The following IMMP2L variants were observed in gnomAD, a reference collection of about 807,000 sequenced individuals.
IMMP2L encodes the protein mitochondrial inner membrane protease subunit 2.
In IMMP2L, 18 loss-of-function variants were observed where a neutral mutation model predicts 19.3. That is an observed-to-expected ratio of 0.93 (90% confidence interval 0.64 to 1.38). The LOEUF (loss-of-function observed/expected upper bound fraction) is 1.38. IMMP2L is among the 40% of genes most tolerant of loss of function. The probability of loss-of-function intolerance (pLI) is 0.00; values close to 1 mark genes in which losing one functional copy is unlikely to be tolerated. For synonymous variants in IMMP2L, 76 were observed against 73.0 expected (o/e 1.04, Z -0.21); for missense variants, 233 against 218.2 (o/e 1.07, Z -0.43).
intron 3 of IMMP2L, among the ~76,000 whole-genome samples, chr7:111,279,206 A>T (rs1171060465): frequency 1.3e-5 from 2 of 152,198 alleles, no homozygotes; most frequent in African/African-American, 4.8e-5. Context: ...AAAATGTATA[A>T]AACAGAAGAA....
At chr7:110,748,268 A>C (rs538254117) in intron 5 of IMMP2L, among the ~76,000 whole-genome samples, 223 of 152,332 alleles carry the variant, frequency 1.5e-3, no homozygotes, top group African/African-American at 5.2e-3. Context: ...AAATGGAAGA[A>C]CATTCCATGC....
In IMMP2L at chr7:111,343,519, G is replaced by A. The variant is rs37646; in HGVS notation, c.239+143719C>T. Among the ~76,000 whole-genome samples the A allele has an allele frequency of 2.6e-5, 4 of 151,924 alleles. 1 individual carries two copies. Among genetic ancestry groups the A allele is most frequent in the Middle Eastern group, 6.8e-3 (2 of 294 alleles). On this transcript the variant is annotated intron_variant, in intron 3 of 5. Transcript: ENST00000405709. ...CACCCAGAATCCTTTCCTGGCTCCC[G>A]GCGCACCCAGTGCTTCACTCCTTCA...
chr7:111,198,462 A>C (rs1001461482), intron 3 of IMMP2L, among the ~76,000 whole-genome samples: 2 of 152,034 alleles, frequency 1.3e-5, no homozygotes, highest in Admixed American at 1.3e-4. Context: ...TACATAATGA[A>C]CTCAAAGTTC....
chr7:111,127,648 G>A (rs1801447365), intron 3 of IMMP2L, among the ~76,000 whole-genome samples: 1 of 151,990 alleles, frequency 6.6e-6, no homozygotes, highest in South Asian at 2.1e-4. Context: ...ATAAAACTAA[G>A]CATTGGTCAA....
At chr7:111,554,346 T>A (rs924499634) in intron 1 of IMMP2L, among the ~76,000 whole-genome samples, 9 of 151,960 alleles carry the variant, frequency 5.9e-5, no homozygotes. Flanking sequence ...CACAAAAATA[T>A]CTTGCAATAA....
intron 3 of IMMP2L, among the ~76,000 whole-genome samples, chr7:111,130,597 G>A (rs1288208308): frequency 6.6e-6 from 1 of 152,008 alleles, no homozygotes; most frequent in Non-Finnish European, 1.5e-5. Flanking sequence ...AGTGAGCTTG[G>A]AACATAAATT....
chr7:110,690,091 G>C (rs1354232642), intron 5 of IMMP2L, among the ~76,000 whole-genome samples: 1 of 152,112 alleles, frequency 6.6e-6, no homozygotes, highest in Non-Finnish European at 1.5e-5. Context: ...AGGACTTTCA[G>C]AGTCCAGGCC....
At chr7:111,186,949 A>G (rs1712410204) in intron 3 of IMMP2L, among the ~76,000 whole-genome samples, 5 of 152,096 alleles carry the variant, frequency 3.3e-5, no homozygotes, top group Admixed American at 2.6e-4. Flanking sequence ...TTTTAAAAAA[A>G]AAAAGTTTTA....
At chr7:111,149,714 C>G (rs1344036051) in intron 3 of IMMP2L, among the ~76,000 whole-genome samples, 1 of 152,060 alleles carries the variant, frequency 6.6e-6, no homozygotes, top group African/African-American at 2.4e-5. Flanking sequence ...CCACACTGTT[C>G]AAGTATCAAC....
At chr7:111,145,759 A>G (rs1803402383) in intron 3 of IMMP2L, among the ~76,000 whole-genome samples, 2 of 152,160 alleles carry the variant, frequency 1.3e-5, no homozygotes, top group Admixed American at 1.3e-4. Flanking sequence ...CTTACTAAGA[A>G]GCACAATTCT....
At chr7:110,900,845 G>A (rs999622111) in intron 4 of IMMP2L, among the ~76,000 whole-genome samples, 6 of 152,086 alleles carry the variant, frequency 3.9e-5, no homozygotes, top group Non-Finnish European at 7.4e-5. Context: ...GAGGCGGTAT[G>A]TGTGGATTGT....
chr7:111,176,496 T>A (rs543117060), intron 3 of IMMP2L, among the ~76,000 whole-genome samples: 1 of 151,980 alleles, frequency 6.6e-6, no homozygotes. Flanking sequence ...GAGGTCACTA[T>A]GTTAAGTGAA....
rs1023098840 is a variant in IMMP2L at position 111,428,378 on chromosome 7, GA to G, written c.239+58859del. On this transcript the variant is annotated intron_variant, in intron 3 of 5. Transcript: ENST00000405709. ...TAATTTTTTAAAGTAATAAGGACTG[GA>G]AAAAAATTCTATATAAAAATTGAAT... 6.6e-5 allele frequency among the ~76,000 whole-genome samples: 10 copies of G among 151,502 alleles called. No individual in the cohort carries two copies. The East Asian group carries it at 7.7e-4, about 12-fold the overall frequency.
intron 5 of IMMP2L, among the ~76,000 whole-genome samples, chr7:110,674,275 G>A (rs1261618287): frequency 1.3e-5 from 2 of 152,128 alleles, no homozygotes; most frequent in African/African-American, 2.4e-5. Context: ...ATAGCATGAG[G>A]GAAACTGCCT....
At chr7:111,506,332 A>C (rs1255667705) in intron 2 of IMMP2L, among the ~76,000 whole-genome samples, 1 of 152,054 alleles carries the variant, frequency 6.6e-6, no homozygotes, top group Non-Finnish European at 1.5e-5. Flanking sequence ...TTAATTCAAC[A>C]CCCTTAAAAT....
At chr7:111,122,671 C>G (rs1449671469) in intron 3 of IMMP2L, 1 of 910,828 alleles carries the variant, frequency 1.1e-6, no homozygotes, top group Non-Finnish European at 1.7e-6. Flanking sequence ...CATCATTTGA[C>G]AAATGCAAGC....
chr7:111,538,325 C>T (rs533773059), intron 1 of IMMP2L, among the ~76,000 whole-genome samples: 35 of 152,160 alleles, frequency 2.3e-4, no homozygotes, highest in African/African-American at 8.2e-4. Flanking sequence ...AACAGCACTG[C>T]ACAACCACAT....
intron 3 of IMMP2L, among the ~76,000 whole-genome samples, chr7:111,011,091 G>A (rs1252961024): frequency 2.6e-5 from 4 of 152,046 alleles, no homozygotes; most frequent in African/African-American, 4.8e-5. Context: ...GAAGTGAGTG[G>A]CACTGACGAG....
chr7:111,392,859 G>C (rs1006740423), intron 3 of IMMP2L: 30 of 456,430 alleles, frequency 6.6e-5, no homozygotes, highest in Admixed American at 1.9e-4. Flanking sequence ...GGTAAATCTA[G>C]TGAGGTCTGG....
Sources: allele counts gnomAD v4.1 joint callset (sites outside exome capture counted in the v4.1 genomes callset), GRCh38; gene constraint gnomAD v4.1.1; transcripts MANE v1.5; gene names NCBI Gene and HGNC (gene_info 2026-07-23, HGNC 2026-07-21).